Variants in DYRK2 observed in about 807,000 individuals in gnomAD.
DYRK2 encodes dual specificity tyrosine-phosphorylation-regulated kinase 2.
In DYRK2, 12 loss-of-function variants were observed where a neutral mutation model predicts 41.6. That is an observed-to-expected ratio of 0.29 (90% confidence interval 0.18 to 0.47). The LOEUF is 0.47. Among genes scored for constraint, DYRK2 ranks in the 20% least tolerant of loss-of-function variants. The pLI, the probability that DYRK2 is intolerant of heterozygous loss-of-function variation, is 1.00. For synonymous variants in DYRK2, 322 were observed against 315.7 expected, an observed-to-expected ratio of 1.02 and a Z score of -0.21; for missense variants, 678 against 798.4, an observed-to-expected ratio of 0.85 and a Z score of 1.82.
In DYRK2 at chr12:67,649,197, C is replaced by G; in HGVS notation, c.49+15C>G. The G allele has an allele frequency of 2.0e-6, 3 of 1,489,340 alleles. No individual in the cohort carries two copies. The highest frequency in any genetic ancestry group is 3.6e-4 in the Middle Eastern group (2 of 5,554). 92.3% of individuals were successfully genotyped at this position (1,489,340 alleles called of 1,614,324 possible). The stretch of plus-strand genomic sequence containing the variant: ...CTACCCGACCGGTAAGGAGGCCGTG[C>G]CGCCGCGCCGCATCCCCGGACCCCC... On this transcript the variant is annotated intron_variant, in intron 1 of 2. Transcript: ENST00000344096.
chr12:67,660,774 G>C lies in DYRK2; in HGVS notation c.*2061G>C, dbSNP rs1872601913. The C allele has an allele frequency of 6.0e-6, 1 of 166,966 alleles. No individual in the cohort carries two copies. Among genetic ancestry groups the C allele is most frequent in the African/African-American group, 2.4e-5 (1 of 41,436 alleles). The allele number at this position is 166,966 out of a possible 1,614,324, so 10.3% of individuals were successfully genotyped here. Reference sequence around the variant, plus strand: ...GTTTGGTGGCTTTGTAAGACCACCAGCCTCTTAATGATGGTTAGCTTCTTT... The same window carrying C: ...GTTTGGTGGCTTTGTAAGACCACCACCCTCTTAATGATGGTTAGCTTCTTT... On this transcript the variant is annotated 3_prime_UTR_variant, in exon 3 of 3. Transcript: ENST00000344096.
rs1434859296 is a variant in DYRK2 at position 67,659,841 on chromosome 12, A to T, written c.*1128A>T. ...CGAACAGAAGTCACTTTGGCTGTTCAGTAAGGCCAATGTTAACAACACGTT... is the reference window on the plus strand; with the variant it reads ...CGAACAGAAGTCACTTTGGCTGTTCTGTAAGGCCAATGTTAACAACACGTT... On this transcript the variant is annotated 3_prime_UTR_variant, in exon 3 of 3. Transcript: ENST00000344096. 1 of 167,112 alleles carries T rather than the reference A, an allele frequency of 6.0e-6. No individual in the cohort carries two copies. Among genetic ancestry groups the T allele is most frequent in the African/African-American group, 2.4e-5 (1 of 41,474 alleles). 10.4% of individuals were successfully genotyped at this position (167,112 alleles called of 1,614,324 possible).
chr12:67,664,843 AAG>A lies in DYRK2; in HGVS notation c.*6135_*6136del, dbSNP rs1465953871. 2 of 152,204 alleles carry A rather than the reference AAG, an allele frequency of 1.3e-5. No individual in the cohort carries two copies. Among genetic ancestry groups the A allele is most frequent in the African/African-American group, 4.8e-5 (2 of 41,458 alleles). 9.4% of individuals were successfully genotyped at this position (152,204 alleles called of 1,614,324 possible). A position where few individuals can be genotyped will look rare whatever the true frequency, so the allele number is the denominator to read the frequency against. ...GTGCACACACCCTCAGTTAATTTGT[AAG>A]AGAGTGACTTCTCATTGTTATTTGT... On this transcript the variant is annotated 3_prime_UTR_variant, in exon 3 of 3. Transcript: ENST00000344096.
chr12:67,653,855 A>G (rs1872393672), intron 2 of DYRK2, among the ~76,000 whole-genome samples: 1 of 152,258 alleles, frequency 6.6e-6, no homozygotes, highest in Non-Finnish European at 1.5e-5. Flanking sequence ...GCTCACAGCC[A>G]GATGAGTACA....
chr12:67,658,446 A>G lies in DYRK2; in HGVS notation c.1539A>G (p.Lys513=), dbSNP rs756738175. The change falls in exon 3 of 3, where the codon AAA becomes AAG. Residue 513 remains lysine (K), a synonymous_variant. Transcript: ENST00000344096. This position sits in a 1 kb window ranked among gnomAD's most constrained non-coding sequence, Gnocchi z 4.3. ...CDDPLFLDFL[K]QCLEWDPAVR... The stretch of plus-strand genomic sequence containing the variant: ...ATCCCCTTTTCCTTGACTTCTTAAA[A>G]CAGTGTTTAGAGTGGGATCCTGCAG... 6.3e-7 allele frequency: 1 copy of G among 1,593,194 alleles called. No individual in the cohort carries two copies. The highest frequency in any genetic ancestry group is 1.1e-5 in the South Asian group (1 of 87,190).
rs1238382555 is a variant in DYRK2 at position 67,657,738 on chromosome 12, C to T, written c.831C>T (p.Asp277=). The change falls in exon 3 of 3, where the codon GAC becomes GAT. Residue 277 remains aspartate, a synonymous_variant. Transcript: ENST00000344096. The surrounding 1 kb of genome is among the most constrained non-coding windows in gnomAD (Gnocchi z 4.8). ...TCCTGGAACACCTGCGGAAGCAGGA[C>T]AAGGATAACACAATGAATGTCATCC... is the stretch of plus-strand genomic sequence containing the variant. ...IRILEHLRKQ[D]KDNTMNVIHM... 1 of 1,614,192 alleles carries T rather than the reference C, an allele frequency of 6.2e-7. No homozygotes were observed. The highest frequency in any genetic ancestry group is 2.2e-5 in the East Asian group (1 of 44,872).
At position 67,658,769 on chromosome 12, in the gene DYRK2, G is replaced by C. The variant is rs954629958; in HGVS notation, c.*56G>C. 2.2e-5 allele frequency: 33 copies of C among 1,524,304 alleles called. No homozygotes were observed. The highest frequency in any genetic ancestry group is 5.3e-6 in the Non-Finnish European group (6 of 1,135,424). 94.4% of individuals were successfully genotyped at this position (1,524,304 alleles called of 1,614,324 possible). A position where few individuals can be genotyped will look rare whatever the true frequency, so the allele number is the denominator to read the frequency against. On this transcript the variant is annotated 3_prime_UTR_variant, in exon 3 of 3. Coordinates refer to ENST00000344096, the MANE Select transcript of DYRK2 (RefSeq NM_006482.3). The surrounding 1 kb of genome is among the most constrained non-coding windows in gnomAD (Gnocchi z 4.3). The stretch of plus-strand genomic sequence containing the variant: ...AGATACGACATTGCTGAGCCTTACT[G>C]GGTTGAAAAGGAGTAGCTCAGACCT...
rs200090077 is a variant in DYRK2, at chr12:67,649,166, C to G, written c.33C>G (p.Pro11=). 2.0e-6 allele frequency: 3 copies of G among 1,513,322 alleles called. No individual in the cohort carries two copies. The highest frequency in any genetic ancestry group is 2.7e-6 in the Non-Finnish European group (3 of 1,126,790). 93.7% of individuals were successfully genotyped at this position (1,513,322 alleles called of 1,614,324 possible). ...CCAGGAAACCTTCGGCCGCCGCTCC[C>G]GCCGCCTACCCGACCGGTAAGGAGG... The part of the protein sequence containing the change: MLTRKPSAAA[P]AAYPTGRGGD... The change falls in exon 1 of 3, where the codon CCC becomes CCG. Residue 11 remains proline (P), a synonymous_variant. Transcript: ENST00000344096.
At chr12:67,653,737 T>C (rs992238181) in intron 2 of DYRK2, among the ~76,000 whole-genome samples, 2 of 152,216 alleles carry the variant, frequency 1.3e-5, no homozygotes, top group African/African-American at 4.8e-5. Flanking sequence ...GGAGGATCTA[T>C]TGGCATGTGT....
chr12:67,654,269 G>T (rs187888007), intron 2 of DYRK2, among the ~76,000 whole-genome samples: 35 of 152,336 alleles, frequency 2.3e-4, no homozygotes, highest in African/African-American at 7.9e-4. Context: ...GGAGAGAAGA[G>T]TGACAGTAGT....
chr12:67,654,852 C>T (rs1363008592), intron 2 of DYRK2, among the ~76,000 whole-genome samples: 1 of 152,144 alleles, frequency 6.6e-6, no homozygotes, highest in African/African-American at 2.4e-5. Flanking sequence ...GGTCTGAGCT[C>T]AGGGAACAAA....
chr12:67,664,031 T>G lies in DYRK2; in HGVS notation c.*5318T>G, dbSNP rs2120863533. 6.6e-6 allele frequency: 1 copy of G among 151,228 alleles called. No homozygotes were observed. Among genetic ancestry groups the G allele is most frequent in the South Asian group, 2.1e-4 (1 of 4,754 alleles). The allele number at this position is 151,228 out of a possible 1,614,324, so 9.4% of individuals were successfully genotyped here. ...TATATGTGGCTTTCTTTTTTTTTCT[T>G]AAGTTTGAATTACACTTGATTTCCT... On this transcript the variant is annotated 3_prime_UTR_variant, in exon 3 of 3. Transcript: ENST00000344096.
intron 2 of DYRK2, among the ~76,000 whole-genome samples, chr12:67,653,175 C>T (rs1385428202): frequency 6.6e-6 from 1 of 152,118 alleles, no homozygotes; most frequent in Non-Finnish European, 1.5e-5. Context: ...TATACATTGG[C>T]ATATCGGAAT....
intron 2 of DYRK2, among the ~76,000 whole-genome samples, chr12:67,654,561 A>C (rs952829350): frequency 6.6e-6 from 1 of 152,128 alleles, no homozygotes; most frequent in Non-Finnish European, 1.5e-5. Context: ...GTGTTGATGG[A>C]AAGGGCCTGG....
In DYRK2 at chr12:67,658,564, A is replaced by G; in HGVS notation, c.1657A>G (p.Ile553Val). 6.2e-7 allele frequency: 1 copy of G among 1,614,172 alleles called. No homozygotes were observed. The highest frequency in any genetic ancestry group is 1.6e-4 in the Middle Eastern group (1 of 6,062). Residue 553 changes from isoleucine (I) to valine (V), a missense_variant, in exon 3 of 3, where the codon ATA becomes GTA. By Grantham distance (29) the Ile-to-Val change is conservative. Transcript: ENST00000344096. The surrounding 1 kb of genome is among the most constrained non-coding windows in gnomAD (Gnocchi z 4.3). ...CGGGGAGAAAACGTCAGTGAAAAGG[A>G]TAACTGAGAGCACCGGTGCTATCAC... ...PTGEKTSVKR[I>V]TESTGAITSI... is the part of the protein sequence containing the mutation.
rs1290177833 is a variant in DYRK2, at chr12:67,658,477, A to G, written c.1570A>G (p.Met524Val). 3 of 1,605,156 alleles carry G rather than the reference A, an allele frequency of 1.9e-6. No individual in the cohort carries two copies. Among genetic ancestry groups the G allele is most frequent in the South Asian group, 1.1e-5 (1 of 89,190 alleles). The change falls in exon 3 of 3, where the codon ATG becomes GTG. Residue 524 changes from methionine (M) to valine (V), a missense_variant. Around this residue, in one of 2 missense-constraint regions of DYRK2, gnomAD observed 393 missense variants for 519.1 expected, o/e 0.76. Coordinates refer to ENST00000344096, the MANE Select transcript of DYRK2 (RefSeq NM_006482.3). This position sits in a 1 kb window ranked among gnomAD's most constrained non-coding sequence, Gnocchi z 4.3. ...QCLEWDPAVR[M>V]TPGQALRHPW... ...TTTAGAGTGGGATCCTGCAGTGCGC[A>G]TGACCCCAGGCCAGGCTTTGCGGCA...
At position 67,658,136 on chromosome 12, in the gene DYRK2, G is replaced by A; in HGVS notation, c.1229G>A (p.Cys410Tyr). 1 of 1,614,188 alleles carries A rather than the reference G, an allele frequency of 6.2e-7. No homozygotes were observed. The highest frequency in any genetic ancestry group is 8.5e-7 in the Non-Finnish European group (1 of 1,180,002). Reference protein sequence around the residue: ...GMPIDMWSLGCILAELLTGYP... With the variant: ...GMPIDMWSLGYILAELLTGYP... ...CCCATTGATATGTGGAGCCTGGGCT[G>A]CATTTTAGCAGAGCTCCTGACGGGT... The change falls in exon 3 of 3, where the codon TGC becomes TAC. Residue 410 changes from cysteine (C) to tyrosine (Y), a missense_variant. Physicochemically the swap from Cys to Tyr is radical, Grantham distance 194. Coordinates refer to ENST00000344096, the MANE Select transcript of DYRK2 (RefSeq NM_006482.3). This position sits in a 1 kb window ranked among gnomAD's most constrained non-coding sequence, Gnocchi z 4.3.
chr12:67,648,829 A>C lies in DYRK2; in HGVS notation c.-305A>C. The C allele has an allele frequency of 5.0e-6, 1 of 198,996 alleles. No individual in the cohort carries two copies. 12.3% of individuals were successfully genotyped at this position (198,996 alleles called of 1,614,324 possible). On this transcript the variant is annotated 5_prime_UTR_variant, in exon 1 of 3. Coordinates refer to ENST00000344096, the MANE Select transcript of DYRK2 (RefSeq NM_006482.3). ...AGCTCCCCGCGCCCCTATGTGAGGG[A>C]GACGGGGAGGCCCGCGGCGCGCAGG...
Position 67,663,834 on chromosome 12 carries a change from T to C in DYRK2, c.*5121T>C, listed in dbSNP as rs941826143. Reference sequence around the variant, plus strand: ...TTCTGTTTGAGTCTCTACAGTCCTATCCCTTTTGGAATGAACAGCTACACA... The same window carrying C: ...TTCTGTTTGAGTCTCTACAGTCCTACCCCTTTTGGAATGAACAGCTACACA... On this transcript the variant is annotated 3_prime_UTR_variant, in exon 3 of 3. Transcript: ENST00000344096. The C allele has an allele frequency of 2.0e-5, 3 of 152,154 alleles. No homozygotes were observed. Among genetic ancestry groups the C allele is most frequent in the Non-Finnish European group, 4.4e-5 (3 of 68,000 alleles). The allele number at this position is 152,154 out of a possible 1,614,324, so 9.4% of individuals were successfully genotyped here.
Sources: gnomAD v4.1 joint callset for allele counts (sites outside exome capture counted in the v4.1 genomes callset) on GRCh38, gnomAD v4.1.1 for gene constraint, gnomAD v4.1.1 regional missense constraint, Gnocchi (gnomAD v3.1) non-coding constraint, MANE v1.5 for transcripts, NCBI Gene and HGNC (gene_info 2026-07-23, HGNC 2026-07-21) for gene names.